The following TASP1 variants were observed in gnomAD, a reference collection of about 807,000 sequenced individuals.
The protein encoded by TASP1 is threonine aspartase 1.
A neutral mutation model predicts 56.6 loss-of-function variants in TASP1; 16 were observed. That is an observed-to-expected ratio of 0.28 (90% confidence interval 0.19 to 0.43). TASP1 has a LOEUF of 0.43. TASP1 is among the 20% of genes least tolerant of loss of function. The probability of loss-of-function intolerance (pLI) is 1.00; values close to 1 mark genes in which losing one functional copy is unlikely to be tolerated. For synonymous variants in TASP1, 179 were observed against 184.2 expected, an observed-to-expected ratio of 0.97 and a Z score of 0.23; for missense variants, 393 against 511.6, an observed-to-expected ratio of 0.77 and a Z score of 2.24.
At chr20:13,635,894 C>T (rs2049287153) in intron 1 of TASP1, among the ~76,000 whole-genome samples, 1 of 152,142 alleles carries the variant, frequency 6.6e-6, no homozygotes, top group Non-Finnish European at 1.5e-5. Flanking sequence ...TGCCTCATCT[C>T]TCTAAAAGAT....
At chr20:13,402,586 G>T (rs939783822) in intron 13 of TASP1, among the ~76,000 whole-genome samples, 1 of 152,204 alleles carries the variant, frequency 6.6e-6, no homozygotes, top group Non-Finnish European at 1.5e-5. Flanking sequence ...CTACCATCCC[G>T]AGGCAGTTGG....
At chr20:13,477,884 A>G (rs2042998742) in intron 11 of TASP1, among the ~76,000 whole-genome samples, 1 of 152,156 alleles carries the variant, frequency 6.6e-6, no homozygotes, top group Non-Finnish European at 1.5e-5. Context: ...ATATTAAGTC[A>G]AACCAAAGCC....
intron 4 of TASP1, among the ~76,000 whole-genome samples, chr20:13,622,190 G>A (rs2048740246): frequency 6.6e-6 from 1 of 152,148 alleles, no homozygotes; most frequent in East Asian, 1.9e-4. Context: ...CTAAGAGACT[G>A]TCATGTATTA....
chr20:13,626,794 TAA>T (rs2147557937), intron 2 of TASP1, among the ~76,000 whole-genome samples: 1 of 152,256 alleles, frequency 6.6e-6, no homozygotes, highest in East Asian at 1.9e-4. Flanking sequence ...CAGCATTTCC[TAA>T]AGCATGGGAT....
chr20:13,590,735 G>A (rs1246196463), intron 4 of TASP1, among the ~76,000 whole-genome samples: 1 of 151,938 alleles, frequency 6.6e-6, no homozygotes, highest in African/African-American at 2.4e-5. Flanking sequence ...GCATGGTGGT[G>A]CTCACCTGTA....
At chr20:13,566,656 G>T (rs1406023845) in intron 7 of TASP1, among the ~76,000 whole-genome samples, 1 of 152,076 alleles carries the variant, frequency 6.6e-6, no homozygotes. Context: ...ATATATTAGT[G>T]GCTATCGGGG....
intron 13 of TASP1, among the ~76,000 whole-genome samples, chr20:13,406,873 A>G (rs1214345770): frequency 2.0e-5 from 3 of 151,972 alleles, no homozygotes; most frequent in Admixed American, 2.0e-4. Context: ...TCACTATGTT[A>G]GCCAGGATGG....
At chr20:13,139,343 T>C in the TASP1 span, among the ~76,000 whole-genome samples, 1 of 152,214 alleles carries the variant, frequency 6.6e-6, no homozygotes, top group Non-Finnish European at 1.5e-5. Flanking sequence ...TTATGTTACT[T>C]GTTGTAACAG....
chr20:13,273,070 G>A, the TASP1 span, among the ~76,000 whole-genome samples: 103 of 152,166 alleles, frequency 6.8e-4, no homozygotes, highest in African/African-American at 2.4e-3. Context: ...AGGCTGCCGG[G>A]GACTGTTCCT....
chr20:13,207,386 A>G, the TASP1 span, among the ~76,000 whole-genome samples: 2 of 152,242 alleles, frequency 1.3e-5, no homozygotes, highest in Non-Finnish European at 2.9e-5. Context: ...CGGGTCCTCC[A>G]GTGAAACAGA....
chr20:13,577,386 T>C (rs1437079785), intron 6 of TASP1, among the ~76,000 whole-genome samples: 1 of 152,142 alleles, frequency 6.6e-6, no homozygotes, highest in Non-Finnish European at 1.5e-5. Context: ...AAACAGAAGT[T>C]AAAATGAACA....
At chr20:13,311,203 A>T in the TASP1 span, among the ~76,000 whole-genome samples, 2 of 149,170 alleles carry the variant, frequency 1.3e-5, no homozygotes, top group African/African-American at 5.0e-5. Context: ...TCAAAAAAAT[A>T]GATATAGATA....
intron 5 of TASP1, among the ~76,000 whole-genome samples, chr20:13,582,980 T>G (rs1356950826): frequency 6.6e-6 from 1 of 152,226 alleles, no homozygotes; most frequent in Non-Finnish European, 1.5e-5. Context: ...GGTACTCTCC[T>G]GTACTAAGTG....
chr20:13,334,912 A>G, the TASP1 span, among the ~76,000 whole-genome samples: 21,800 of 152,238 alleles, frequency 0.14, 1,928 homozygotes, highest in African/African-American at 0.22. Flanking sequence ...TGAGAAATGG[A>G]TGGAAGAATG....
the TASP1 span, among the ~76,000 whole-genome samples, chr20:13,113,160 G>A: frequency 6.6e-6 from 1 of 152,150 alleles, no homozygotes. Context: ...TCCAGCCTGG[G>A]AGACAGAGAG....
At chr20:13,636,072 G>A (rs892107190) in intron 1 of TASP1, among the ~76,000 whole-genome samples, 10 of 151,088 alleles carry the variant, frequency 6.6e-5, no homozygotes, top group African/African-American at 2.4e-4. Context: ...CCATCTTACA[G>A]CAAAGGGCTT....
the TASP1 span, among the ~76,000 whole-genome samples, chr20:13,375,915 T>C: frequency 3.9e-5 from 6 of 152,152 alleles, no homozygotes; most frequent in Admixed American, 3.9e-4. Context: ...CACCCACTTT[T>C]TGATGGGGTT....
chr20:13,332,056 T>C, the TASP1 span, among the ~76,000 whole-genome samples: 1 of 152,132 alleles, frequency 6.6e-6, no homozygotes, highest in Non-Finnish European at 1.5e-5. Context: ...ATGACTTCTT[T>C]CCTTGGGCCA....
the TASP1 span, among the ~76,000 whole-genome samples, chr20:13,127,969 T>C: frequency 6.6e-6 from 1 of 152,190 alleles, no homozygotes; most frequent in Non-Finnish European, 1.5e-5. Flanking sequence ...GTGATACTAT[T>C]CACTCGTATG....
Sources: gnomAD v4.1 joint callset for allele counts (sites outside exome capture counted in the v4.1 genomes callset) on GRCh38, gnomAD v4.1.1 for gene constraint, MANE v1.5 for transcripts, NCBI Gene and HGNC (gene_info 2026-07-23, HGNC 2026-07-21) for gene names.